Variants in ARL2BP observed in about 807,000 individuals in gnomAD.
The protein encoded by ARL2BP is ADP-ribosylation factor-like protein 2-binding protein.
A neutral mutation model predicts 24.2 loss-of-function variants in ARL2BP; 19 were observed. That is an observed-to-expected ratio of 0.79 (90% confidence interval 0.55 to 1.15). The LOEUF (loss-of-function observed/expected upper bound fraction) is 1.15. Among genes scored for constraint, ARL2BP ranks in the 50% most tolerant of loss-of-function variants. The pLI, the probability that ARL2BP is intolerant of heterozygous loss-of-function variation, is 0.00. For missense variants in ARL2BP, 160 were observed against 190.4 expected (o/e 0.84, Z 0.94); for synonymous variants, 56 against 70.5 (o/e 0.79, Z 1.03).
At position 57,245,309 on chromosome 16, in the gene ARL2BP, CGCGCCCTGCAT is replaced by C; in HGVS notation, c.-55_-45del. The stretch of plus-strand genomic sequence containing the variant: ...AGAGGCCTTAACCCCGCCGGGCGGC[CGCGCCCTGCAT>C]GCGAGTTGGGCCGCGGGCGGGGTTG... On this transcript the variant is annotated 5_prime_UTR_variant, in exon 1 of 6. An upstream start codon of the reference 5' UTR is lost. Coordinates refer to ENST00000219204, the MANE Select transcript of ARL2BP (RefSeq NM_012106.4). 6.3e-7 allele frequency: 1 copy of C among 1,575,120 alleles called. No individual in the cohort carries two copies. Among genetic ancestry groups the C allele is most frequent in the South Asian group, 1.2e-5 (1 of 86,050 alleles).
In ARL2BP at chr16:57,253,055, A is replaced by G. The variant is rs2075413545; in HGVS notation, c.*788A>G. 1 of 152,602 alleles carries G rather than the reference A, an allele frequency of 6.6e-6. No homozygotes were observed. The allele number at this position is 152,602 out of a possible 1,614,324, so 9.5% of individuals were successfully genotyped here. On this transcript the variant is annotated 3_prime_UTR_variant, in exon 6 of 6. Coordinates refer to ENST00000219204, the MANE Select transcript of ARL2BP (RefSeq NM_012106.4). ...AAGTATTATATGCTGTGTGCTTTTT[A>G]GGTGTTTGTTAGTACTGTGAAGGCA...
rs775557045 is a variant in ARL2BP, at chr16:57,245,322, C to T, written c.-46C>T. 1.8e-5 allele frequency: 29 copies of T among 1,590,006 alleles called. No homozygotes were observed. Among genetic ancestry groups the T allele is most frequent in the Non-Finnish European group, 2.0e-5 (23 of 1,169,586 alleles). On this transcript the variant is annotated 5_prime_UTR_variant, in exon 1 of 6. It introduces an in-frame stop codon into an upstream open reading frame of the 5' UTR. Transcript: ENST00000219204. ...CCGCCGGGCGGCCGCGCCCTGCATGCGAGTTGGGCCGCGGGCGGGGTTGGA... is the reference window on the plus strand; with the variant it reads ...CCGCCGGGCGGCCGCGCCCTGCATGTGAGTTGGGCCGCGGGCGGGGTTGGA...
At chr16:57,248,492 G>A (rs2075397538) in intron 2 of ARL2BP, 45 bp from the exon 3 acceptor site, 1 of 1,153,138 alleles carries the variant, frequency 8.7e-7, no homozygotes, top group South Asian at 1.4e-5. Flanking sequence ...CATAATGGTT[G>A]GTAATCTCCA....
chr16:57,252,109 G>A lies in ARL2BP; in HGVS notation c.391-57G>A, dbSNP rs2075410138. On this transcript the variant is annotated intron_variant, in intron 5 of 5. Transcript: ENST00000219204. ...CAGCTCTGCCTTCCCCATGTCAGAG[G>A]CAAGATTCCAAGCCAGGGCTCTTTC... is the stretch of plus-strand genomic sequence containing the variant. 4 of 1,533,706 alleles carry A rather than the reference G, an allele frequency of 2.6e-6. No individual in the cohort carries two copies. The African/African-American group carries it at 4.1e-5, about 16-fold the overall frequency.
intron 2 of ARL2BP, 175 bp downstream of exon 2, chr16:57,246,316 C>A: frequency 1.6e-6 from 1 of 635,854 alleles, no homozygotes; most frequent in Non-Finnish European, 2.8e-6. Context: ...AACAAACAGC[C>A]CAGTACTCCT....
intron 5 of ARL2BP, chr16:57,251,828 A>T (rs2075409222): frequency 4.7e-6 from 1 of 211,794 alleles, no homozygotes; most frequent in South Asian, 8.8e-5. Flanking sequence ...AGTCAGCTGT[A>T]GTGGTGCACA....
intron 5 of ARL2BP, 72 bp from the exon 6 acceptor site, chr16:57,252,094 T>G: frequency 7.2e-7 from 1 of 1,393,812 alleles, no homozygotes; most frequent in Admixed American, 1.8e-5. Flanking sequence ...CAGCTCTGCC[T>G]TCCCCATGTC....
rs1346034956 is a variant in ARL2BP, at chr16:57,252,715, T to C, written c.*448T>C. ...TTCAGTACTTCAGCCTCAGTGGGGT[T>C]CCTGATGTTTATCTAGGGTGTTACT... is the stretch of plus-strand genomic sequence containing the variant. On this transcript the variant is annotated 3_prime_UTR_variant, in exon 6 of 6. Transcript: ENST00000219204. 5.1e-6 allele frequency: 1 copy of C among 196,290 alleles called. No individual in the cohort carries two copies. Among genetic ancestry groups the C allele is most frequent in the Non-Finnish European group, 1.1e-5 (1 of 93,730 alleles). 12.2% of individuals were successfully genotyped at this position (196,290 alleles called of 1,614,324 possible). A position where few individuals can be genotyped will look rare whatever the true frequency, so the allele number is the denominator to read the frequency against.
In ARL2BP at chr16:57,252,217, T is replaced by A; in HGVS notation, c.442T>A (p.Leu148Met). 2.5e-6 allele frequency: 4 copies of A among 1,614,174 alleles called. No individual in the cohort carries two copies. The South Asian group carries it at 4.4e-5, about 18-fold the overall frequency. ...AAGCAGTGGCTTAGTGGTGACTTCA[T>A]TGTGCAAATCATCTTCTCTGCCAGC... Reference protein sequence around the residue: ...DLSSGLVVTSLCKSSSLPASQ... With the variant: ...DLSSGLVVTSMCKSSSLPASQ... Residue 148 changes from leucine (L) to methionine (M), a missense_variant, in exon 6 of 6, where the codon TTG (leucine) becomes ATG (methionine). Coordinates refer to ENST00000219204, the MANE Select transcript of ARL2BP (RefSeq NM_012106.4).
rs1399956920 is a variant in ARL2BP, at chr16:57,245,321, G to T, written c.-47G>T. 6.3e-7 allele frequency: 1 copy of T among 1,589,770 alleles called. No individual in the cohort carries two copies. The highest frequency in any genetic ancestry group is 1.3e-5 in the African/African-American group (1 of 74,700). On this transcript the variant is annotated 5_prime_UTR_variant, in exon 1 of 6. It removes an upstream start codon present in the reference 5' UTR. Coordinates refer to ENST00000219204, the MANE Select transcript of ARL2BP (RefSeq NM_012106.4). ...CCCGCCGGGCGGCCGCGCCCTGCAT[G>T]CGAGTTGGGCCGCGGGCGGGGTTGG... is the stretch of plus-strand genomic sequence containing the variant.
Position 57,252,475 on chromosome 16 carries a change from A to T in ARL2BP, c.*208A>T, listed in dbSNP as rs542381234. ...CCTTCTTGTATTCATTAACCATAGT[A>T]CTCCTCCCCACCTCAAGTAGACACC... On this transcript the variant is annotated 3_prime_UTR_variant, in exon 6 of 6. Transcript: ENST00000219204. 3.6e-6 allele frequency: 3 copies of T among 832,032 alleles called. No individual in the cohort carries two copies. The highest frequency in any genetic ancestry group is 5.8e-5 in the East Asian group (2 of 34,302). 51.5% of individuals were successfully genotyped at this position (832,032 alleles called of 1,614,324 possible).
In ARL2BP at chr16:57,252,374, C is replaced by G; in HGVS notation, c.*107C>G. The stretch of plus-strand genomic sequence containing the variant: ...TGGAAAGACTGACTCTGTTATGTAA[C>G]TCTTCATTTATGTTAAGTATTAATA... On this transcript the variant is annotated 3_prime_UTR_variant, in exon 6 of 6. Coordinates refer to ENST00000219204, the MANE Select transcript of ARL2BP (RefSeq NM_012106.4). 6.3e-7 allele frequency: 1 copy of G among 1,587,492 alleles called. No homozygotes were observed. Among genetic ancestry groups the G allele is most frequent in the Non-Finnish European group, 8.6e-7 (1 of 1,168,320 alleles).
intron 2 of ARL2BP, among the ~76,000 whole-genome samples, chr16:57,246,767 T>G (rs1298122484): frequency 2.6e-5 from 4 of 152,080 alleles, no homozygotes; most frequent in African/African-American, 7.2e-5. Flanking sequence ...TCGTGCCACT[T>G]CACTCCAGCC....
chr16:57,253,039 A>AT lies in ARL2BP; in HGVS notation c.*773dup, dbSNP rs1281122159. On this transcript the variant is annotated 3_prime_UTR_variant, in exon 6 of 6. Transcript: ENST00000219204. ...ATCCACTTAAAGATCAAAGTATTAT[A>AT]TGCTGTGTGCTTTTTAGGTGTTTGT... 1.2e-4 allele frequency: 18 copies of AT among 152,858 alleles called. No individual in the cohort carries two copies. The highest frequency in any genetic ancestry group is 1.9e-4 in the Non-Finnish European group (13 of 68,110). The allele number at this position is 152,858 out of a possible 1,614,324, so 9.5% of individuals were successfully genotyped here.
At chr16:57,246,326 T>A in intron 2 of ARL2BP, 185 bp downstream of exon 2, 2 of 608,388 alleles carry the variant, frequency 3.3e-6, no homozygotes, top group Non-Finnish European at 2.9e-6. Context: ...CCAGTACTCC[T>A]GAAAACATCT....
chr16:57,245,290 C>G lies in ARL2BP; in HGVS notation c.-78C>G. The G allele has an allele frequency of 2.6e-6, 4 of 1,548,650 alleles. No homozygotes were observed. Among genetic ancestry groups the G allele is most frequent in the Non-Finnish European group, 3.5e-6 (4 of 1,143,238 alleles). ...CTGGCCGCGGCCTTGGCTGAGAGGC[C>G]TTAACCCCGCCGGGCGGCCGCGCCC... is the stretch of plus-strand genomic sequence containing the variant. On this transcript the variant is annotated 5_prime_UTR_variant, in exon 1 of 6. Coordinates refer to ENST00000219204, the MANE Select transcript of ARL2BP (RefSeq NM_012106.4).
At chr16:57,251,493 C>A (rs2075407665) in intron 5 of ARL2BP, 1 of 151,358 alleles carries the variant, frequency 6.6e-6, no homozygotes, top group African/African-American at 2.4e-5. Flanking sequence ...GCAGGAGAAT[C>A]ACTTGAGCCT....
At chr16:57,245,454 G>A (rs947980027) in intron 1 of ARL2BP, 49 bp downstream of exon 1, 14 of 1,592,328 alleles carry the variant, frequency 8.8e-6, no homozygotes, top group Middle Eastern at 1.7e-4. Context: ...GAGGCAGCGG[G>A]CGTTCGCCCC....
intron 3 of ARL2BP, 31 bp downstream of exon 3, chr16:57,248,674 G>C: frequency 7.5e-7 from 1 of 1,341,438 alleles, no homozygotes; most frequent in Non-Finnish European, 1.0e-6. Context: ...CCTACCAGGA[G>C]GTCAGAGTTT....
Sources: allele counts gnomAD v4.1 joint callset (sites outside exome capture counted in the v4.1 genomes callset), GRCh38; gene constraint gnomAD v4.1.1; transcripts MANE v1.5; gene names NCBI Gene and HGNC (gene_info 2026-07-23, HGNC 2026-07-21).